The following SLC36A1 variants were observed in gnomAD, a reference collection of about 807,000 sequenced individuals.
The protein encoded by SLC36A1 is solute carrier family 36 member 1, also known as proton-coupled amino acid transporter 1.
SLC36A1 carries 30 observed loss-of-function variants against 47.5 expected under a neutral mutation model. The observed-to-expected ratio is 0.63, with a 90% CI of 0.47 to 0.86. SLC36A1 has a LOEUF of 0.86. Ranked by LOEUF, SLC36A1 falls within the 40% of genes least tolerant of loss-of-function variation. The pLI, the probability that SLC36A1 is intolerant of heterozygous loss-of-function variation, is 0.00. For synonymous variants in SLC36A1, 255 were observed against 249.7 expected (o/e 1.02, Z -0.20); for missense variants, 517 against 606.0 (o/e 0.85, Z 1.54).
Position 151,465,127 on chromosome 5 carries a change from C to G in SLC36A1, c.377C>G (p.Ser126Cys). 1 of 1,614,168 alleles carries G rather than the reference C, an allele frequency of 6.2e-7. No individual in the cohort carries two copies. Among genetic ancestry groups the G allele is most frequent in the East Asian group, 2.2e-5 (1 of 44,886 alleles). ...YGDTVMYGLE[S>C]SPCSWLRNHA... ...GATACTGTGATGTATGGACTAGAAT[C>G]CAGCCCCTGCTCCTGGCTCCGGAAC... Residue 126 changes from serine (S) to cysteine (C), a missense_variant, in exon 5 of 11, where the codon TCC (serine) becomes TGC (cysteine). Coordinates refer to ENST00000243389, the MANE Select transcript of SLC36A1 (RefSeq NM_078483.4).
the SLC36A1 span, among the ~76,000 whole-genome samples, chr5:151,417,305 C>A: frequency 6.6e-6 from 1 of 152,154 alleles, no homozygotes; most frequent in Admixed American, 6.6e-5. Context: ...TGTTGAATTG[C>A]TTTGACCAAA....
intron 8 of SLC36A1, 24 bp from the exon 9 acceptor site, chr5:151,476,566 T>A: frequency 7.0e-7 from 1 of 1,438,364 alleles, no homozygotes; most frequent in Non-Finnish European, 9.2e-7. Context: ...GCACTTTCTC[T>A]CCTCTCTCAC....
At chr5:151,407,105 C>A in the SLC36A1 span, among the ~76,000 whole-genome samples, 3 of 149,690 alleles carry the variant, frequency 2.0e-5, no homozygotes, top group Non-Finnish European at 4.5e-5. Context: ...ACCTTTGCAG[C>A]GAATGTTACA....
At chr5:151,555,679 T>A in the SLC36A1 span, among the ~76,000 whole-genome samples, 1 of 152,186 alleles carries the variant, frequency 6.6e-6, no homozygotes, top group Non-Finnish European at 1.5e-5. Flanking sequence ...TAATAACACC[T>A]GTTTCTTACC....
chr5:151,522,055 G>A, the SLC36A1 span: 3 of 1,598,326 alleles, frequency 1.9e-6, no homozygotes, highest in African/African-American at 1.3e-5. Context: ...AGACGTCAAA[G>A]ACGAGAGGGG....
intron 1 of SLC36A1, among the ~76,000 whole-genome samples, chr5:151,458,516 C>G (rs1755023897): frequency 6.6e-6 from 1 of 152,022 alleles, no homozygotes; most frequent in Non-Finnish European, 1.5e-5. Flanking sequence ...CCTTGTCTAG[C>G]TGTACTCCGG....
chr5:151,382,351 T>TG, the SLC36A1 span: 179 of 797,548 alleles, frequency 2.2e-4, 1 homozygote, highest in Non-Finnish European at 3.5e-4. Flanking sequence ...GATCTGGCCA[T>TG]GCGCCAGCTC....
At chr5:151,547,151 A>G in the SLC36A1 span, among the ~76,000 whole-genome samples, 1 of 152,252 alleles carries the variant, frequency 6.6e-6, no homozygotes, top group Non-Finnish European at 1.5e-5. Context: ...CATATTGCTT[A>G]CCATAAATCA....
At chr5:151,537,998 C>A in the SLC36A1 span, 2 of 1,555,332 alleles carry the variant, frequency 1.3e-6, no homozygotes, top group South Asian at 1.2e-5. Context: ...GCATTCAGAT[C>A]CAGAGAGAAG....
chr5:151,427,670 G>A, the SLC36A1 span, among the ~76,000 whole-genome samples: 565 of 152,248 alleles, frequency 3.7e-3, 2 homozygotes, highest in Non-Finnish European at 4.8e-3. Context: ...TGCCCCTCTC[G>A]GAAGTGCTGT....
the SLC36A1 span, chr5:151,540,720 A>G: frequency 6.2e-7 from 1 of 1,614,110 alleles, no homozygotes; most frequent in Non-Finnish European, 8.5e-7. Context: ...TCCTCCACTC[A>G]TCTCCAACTT....
At chr5:151,392,002 G>A in the SLC36A1 span, among the ~76,000 whole-genome samples, 1 of 152,240 alleles carries the variant, frequency 6.6e-6, no homozygotes, top group African/African-American at 2.4e-5. Context: ...TGTACTTCTG[G>A]TAGAATTCAG....
the SLC36A1 span, chr5:151,521,234 C>G: frequency 5.2e-6 from 8 of 1,548,686 alleles, no homozygotes; most frequent in East Asian, 1.8e-4. Flanking sequence ...GCGGGCTGAG[C>G]CCAGCAGTGC....
At chr5:151,444,568 C>G (rs969282160), upstream of SLC36A1, among the ~76,000 whole-genome samples, 2 of 152,168 alleles carry the variant, frequency 1.3e-5, no homozygotes, top group African/African-American at 2.4e-5. Context: ...TCACTGCAAC[C>G]TCCGCCTCCC....
At chr5:151,382,299 C>T in the SLC36A1 span, 3 of 1,197,058 alleles carry the variant, frequency 2.5e-6, no homozygotes, top group Non-Finnish European at 3.7e-6. Context: ...TGCCCTCAAC[C>T]TGCACAGTCG....
the SLC36A1 span, chr5:151,380,925 T>A: frequency 2.5e-6 from 1 of 402,568 alleles, no homozygotes; most frequent in Non-Finnish European, 5.0e-6. Context: ...GCATTGGCAA[T>A]GCTCCAGATT....
the SLC36A1 span, chr5:151,537,907 C>G: frequency 6.2e-7 from 1 of 1,613,944 alleles, no homozygotes; most frequent in African/African-American, 1.3e-5. Flanking sequence ...ATGAAGTGTC[C>G]TGGAAATACA....
the SLC36A1 span, among the ~76,000 whole-genome samples, chr5:151,391,415 C>T: frequency 6.6e-6 from 1 of 152,108 alleles, no homozygotes. Context: ...CCTGATTGCC[C>T]TGGCCAGAAC....
intron 2 of SLC36A1, 58 bp downstream of exon 2, chr5:151,458,993 T>G (rs1755120954): frequency 6.5e-7 from 1 of 1,529,230 alleles, no homozygotes; most frequent in Non-Finnish European, 8.8e-7. Context: ...AAGCCTCCCT[T>G]GGACTTATTT....
Sources: allele counts gnomAD v4.1 joint callset (sites outside exome capture counted in the v4.1 genomes callset), GRCh38; gene constraint gnomAD v4.1.1; transcripts MANE v1.5; gene names NCBI Gene and HGNC (gene_info 2026-07-23, HGNC 2026-07-21).